The following SMOC2 variants were observed in gnomAD, a reference collection of about 807,000 sequenced individuals.
The protein encoded by SMOC2 is SPARC-related modular calcium-binding protein 2.
SMOC2 carries 39 observed loss-of-function variants against 61.4 expected under a neutral mutation model. That is an observed-to-expected ratio of 0.64 (90% confidence interval 0.49 to 0.83). The LOEUF is 0.83. Among genes scored for constraint, SMOC2 ranks in the 40% least tolerant of loss-of-function variants. The pLI, the probability that SMOC2 is intolerant of heterozygous loss-of-function variation, is 0.00. For missense variants in SMOC2, 556 were observed against 592.9 expected (o/e 0.94, Z 0.65); for synonymous variants, 247 against 239.9 (o/e 1.03, Z -0.27).
intron 4 of SMOC2, among the ~76,000 whole-genome samples, chr6:168,529,061 C>A (rs1232565533): frequency 6.6e-6 from 1 of 152,312 alleles, no homozygotes; most frequent in African/African-American, 2.4e-5. Flanking sequence ...TCCCAAAGAA[C>A]TTTCTTAGAA....
intron 4 of SMOC2, among the ~76,000 whole-genome samples, chr6:168,540,036 A>G (rs1352129202): frequency 5.3e-5 from 8 of 152,220 alleles, no homozygotes; most frequent in Non-Finnish European, 8.8e-5. Context: ...CATAGCAGGG[A>G]TTGGCACACA....
At chr6:168,611,163 C>T (rs62422558) in intron 9 of SMOC2, among the ~76,000 whole-genome samples, 2,610 of 152,354 alleles carry the variant, frequency 0.017, 41 homozygotes, top group Middle Eastern at 0.044. Context: ...AGCTGTGGCT[C>T]CTGTGTCGGG....
chr6:168,650,869 A>G, intron 10 of SMOC2, 86 bp downstream of exon 10: 2 of 1,243,848 alleles, frequency 1.6e-6, no homozygotes, highest in Admixed American at 4.3e-5. Context: ...ACATATTGGC[A>G]ACCTTCTCAG....
At position 168,619,271 on chromosome 6, in the gene SMOC2, C is replaced by T. The variant is rs149765655; in HGVS notation, c.907+11032C>T. On this transcript the variant is annotated intron_variant, in intron 9 of 12. Coordinates refer to ENST00000356284, the MANE Select transcript of SMOC2 (RefSeq NM_001166412.2). ...AGTCAGCTCTGGCCAGTTTAGCCTG[C>T]GTTACTTTGAAAGTTATGATTATGC... 3.4e-4 allele frequency among the ~76,000 whole-genome samples: 52 copies of T among 152,176 alleles called. 1 individual carries two copies. The highest frequency in any genetic ancestry group is 1.3e-3 in the African/African-American group (52 of 41,524).
chr6:168,665,854 A>G (rs1787650747), intron 12 of SMOC2, among the ~76,000 whole-genome samples: 1 of 152,098 alleles, frequency 6.6e-6, no homozygotes, highest in African/African-American at 2.4e-5. Context: ...AGGGATCAAC[A>G]TTTGTCGGAA....
chr6:168,580,649 C>T (rs1379458375), intron 7 of SMOC2, among the ~76,000 whole-genome samples: 2 of 152,218 alleles, frequency 1.3e-5, no homozygotes, highest in South Asian at 2.1e-4. Context: ...TCAAGTGATC[C>T]TCCCACCTCA....
intron 1 of SMOC2, among the ~76,000 whole-genome samples, chr6:168,483,903 A>G (rs1782269590): frequency 6.6e-6 from 1 of 152,194 alleles, no homozygotes. Context: ...AAAGAATGAT[A>G]TTGGACCTTT....
chr6:168,510,927 C>T (rs1021925526), intron 2 of SMOC2, among the ~76,000 whole-genome samples: 4 of 152,188 alleles, frequency 2.6e-5, no homozygotes, highest in Non-Finnish European at 5.9e-5. Context: ...ATTATGAAGA[C>T]ATTCCTATAT....
chr6:168,558,513 C>A (rs1331635273), intron 7 of SMOC2, among the ~76,000 whole-genome samples: 1 of 152,106 alleles, frequency 6.6e-6, no homozygotes, highest in Non-Finnish European at 1.5e-5. Flanking sequence ...GGTTCTCGGC[C>A]CCCCCTGTGT....
intron 1 of SMOC2, among the ~76,000 whole-genome samples, chr6:168,471,678 G>C (rs1394342170): frequency 6.6e-6 from 1 of 152,158 alleles, no homozygotes; most frequent in South Asian, 2.1e-4. Flanking sequence ...AATATACAAG[G>C]ACTCTGTTTT....
chr6:168,554,500 GCAGCCTGC>G (rs1476261298), intron 7 of SMOC2, among the ~76,000 whole-genome samples: 1 of 152,178 alleles, frequency 6.6e-6, no homozygotes, highest in Non-Finnish European at 1.5e-5. Flanking sequence ...GGGCTCCTGG[GCAGCCTGC>G]CCCTGGAAGG....
At chr6:168,600,803 G>T (rs1012184388) in intron 8 of SMOC2, among the ~76,000 whole-genome samples, 1 of 152,200 alleles carries the variant, frequency 6.6e-6, no homozygotes, top group Non-Finnish European at 1.5e-5. Context: ...AAAGACAAGG[G>T]CAATGAAAGT....
intron 9 of SMOC2, among the ~76,000 whole-genome samples, chr6:168,616,314 G>A (rs1786091873): frequency 6.6e-6 from 1 of 152,206 alleles, no homozygotes; most frequent in Admixed American, 6.5e-5. Context: ...GTCCATACAG[G>A]CTCACGCCAG....
At chr6:168,648,124 C>T (rs1787092269) in intron 9 of SMOC2, among the ~76,000 whole-genome samples, 1 of 152,180 alleles carries the variant, frequency 6.6e-6, no homozygotes, top group African/African-American at 2.4e-5. Context: ...CCACATAATT[C>T]TTTCTTAAAG....
At chr6:168,463,835 G>A (rs907911814) in intron 1 of SMOC2, among the ~76,000 whole-genome samples, 3 of 152,220 alleles carry the variant, frequency 2.0e-5, no homozygotes, top group African/African-American at 7.2e-5. Flanking sequence ...TAGAGACGTC[G>A]GCTGAGATGA....
chr6:168,456,660 G>A (rs568212175), intron 1 of SMOC2, among the ~76,000 whole-genome samples: 79 of 152,192 alleles, frequency 5.2e-4, no homozygotes, highest in Non-Finnish European at 1.0e-3. Flanking sequence ...ATTTCAAAAC[G>A]CGCCCCAGGT....
intron 1 of SMOC2, among the ~76,000 whole-genome samples, chr6:168,444,235 C>G (rs545559527): frequency 6.6e-6 from 1 of 152,230 alleles, no homozygotes; most frequent in East Asian, 1.9e-4. Flanking sequence ...TCTCTGCCTC[C>G]TTCTACTCCA....
intron 9 of SMOC2, among the ~76,000 whole-genome samples, chr6:168,630,918 C>T (rs979677857): frequency 6.6e-6 from 1 of 152,134 alleles, no homozygotes; most frequent in African/African-American, 2.4e-5. Context: ...CTCTCAAAAC[C>T]CTGTCTCCTG....
intron 7 of SMOC2, among the ~76,000 whole-genome samples, chr6:168,576,332 C>A (rs1056412087): frequency 2.6e-5 from 4 of 152,100 alleles, no homozygotes; most frequent in Non-Finnish European, 5.9e-5. Flanking sequence ...CTCTTGTAAT[C>A]ATGGGCTGTA....
Sources: gnomAD v4.1 joint callset for allele counts (sites outside exome capture counted in the v4.1 genomes callset) on GRCh38, gnomAD v4.1.1 for gene constraint, MANE v1.5 for transcripts, NCBI Gene and HGNC (gene_info 2026-07-23, HGNC 2026-07-21) for gene names.